TPD52L1: variants seen among roughly 807,000 people sequenced by gnomAD.
TPD52L1 encodes the protein TPD52 like 1.
A neutral mutation model predicts 28.7 loss-of-function variants in TPD52L1; 18 were observed. That is an observed-to-expected ratio of 0.63 (90% CI 0.43 to 0.93). TPD52L1 has a LOEUF of 0.93. TPD52L1 is among the 40% of genes least tolerant of loss of function. The pLI is 0.00. For synonymous variants in TPD52L1, 75 were observed against 88.8 expected, an observed-to-expected ratio of 0.84 and a Z score of 0.88; for missense variants, 203 against 254.8, an observed-to-expected ratio of 0.80 and a Z score of 1.39.
chr6:125,243,709 T>G (rs1401867310), intron 3 of TPD52L1, among the ~76,000 whole-genome samples: 1 of 152,106 alleles, frequency 6.6e-6, no homozygotes, highest in Non-Finnish European at 1.5e-5. Context: ...CCTATATTTG[T>G]TTTAAGTTTC....
chr6:125,155,452 G>A (rs1286191199), intron 1 of TPD52L1, among the ~76,000 whole-genome samples: 1 of 152,200 alleles, frequency 6.6e-6, no homozygotes, highest in Non-Finnish European at 1.5e-5. Flanking sequence ...GAAGACATCC[G>A]AAACTACAGA....
At chr6:125,172,161 CTTTCTT>C in intron 1 of TPD52L1, among the ~76,000 whole-genome samples, 1 of 50,622 alleles carries the variant, frequency 2.0e-5, no homozygotes, top group Non-Finnish European at 4.1e-5. Flanking sequence ...TCTTTCTTTT[CTTTCTT>C]TCTTTCTTTC....
intron 3 of TPD52L1, among the ~76,000 whole-genome samples, chr6:125,237,879 C>T (rs1431238520): frequency 1.3e-5 from 2 of 152,120 alleles, no homozygotes; most frequent in African/African-American, 4.8e-5. Flanking sequence ...AGGCTGATCT[C>T]TAACTCCTGA....
At chr6:125,196,631 T>G (rs183940579) in intron 1 of TPD52L1, among the ~76,000 whole-genome samples, 22 of 152,372 alleles carry the variant, frequency 1.4e-4, no homozygotes, top group African/African-American at 5.3e-4. Flanking sequence ...ATATATACTT[T>G]GGTGTTTATC....
At chr6:125,192,710 C>A (rs1793133834) in intron 1 of TPD52L1, among the ~76,000 whole-genome samples, 1 of 152,172 alleles carries the variant, frequency 6.6e-6, no homozygotes, top group African/African-American at 2.4e-5. Flanking sequence ...GTTCCAAATA[C>A]CAACCAAGCA....
chr6:125,178,107 C>T (rs1055186974), intron 1 of TPD52L1, among the ~76,000 whole-genome samples: 15 of 152,176 alleles, frequency 9.9e-5, no homozygotes, highest in South Asian at 2.1e-4. Context: ...CATATTCTTT[C>T]GATCATAATA....
intron 1 of TPD52L1, among the ~76,000 whole-genome samples, chr6:125,205,290 A>T (rs78606701): frequency 0.021 from 3,159 of 152,270 alleles, 50 homozygotes; most frequent in Middle Eastern, 0.044. Flanking sequence ...AGGCCGGCTG[A>T]TCTTATGTGG....
chr6:125,211,717 C>T (rs1369918845), intron 1 of TPD52L1, among the ~76,000 whole-genome samples: 2 of 152,190 alleles, frequency 1.3e-5, no homozygotes, highest in African/African-American at 4.8e-5. Context: ...TGGGGATATA[C>T]ATCTCCCGTG....
At chr6:125,155,730 A>C (rs190604707) in intron 1 of TPD52L1, among the ~76,000 whole-genome samples, 1 of 152,338 alleles carries the variant, frequency 6.6e-6, no homozygotes, top group African/African-American at 2.4e-5. Flanking sequence ...CTATAACCCT[A>C]GTATGCAATA....
chr6:125,248,617 G>A lies in TPD52L1; in HGVS notation c.386+234G>A, dbSNP rs1225358218. Reference sequence around the variant, plus strand: ...AGAGTTGCTGTTTCTACTAGGACCCGACCTGGTAAAAATAGAAGATACAGG... The same window carrying A: ...AGAGTTGCTGTTTCTACTAGGACCCAACCTGGTAAAAATAGAAGATACAGG... On this transcript the variant is annotated intron_variant, in intron 4 of 6. Coordinates refer to ENST00000534000, the MANE Select transcript of TPD52L1 (RefSeq NM_003287.4). The A allele has an allele frequency of 4.4e-5, 21 of 482,498 alleles. No individual in the cohort carries two copies. The East Asian group carries it at 5.3e-4, about 12-fold the overall frequency. 29.9% of individuals were successfully genotyped at this position (482,498 alleles called of 1,614,324 possible). A position where few individuals can be genotyped will look rare whatever the true frequency, so the allele number is the denominator to read the frequency against.
intron 3 of TPD52L1, among the ~76,000 whole-genome samples, chr6:125,244,596 A>G (rs897914522): frequency 6.6e-6 from 1 of 152,172 alleles, no homozygotes; most frequent in Non-Finnish European, 1.5e-5. Context: ...TTTGCCTCTC[A>G]TGCAGGCTTG....
chr6:125,157,304 T>G (rs1291886544), intron 1 of TPD52L1, among the ~76,000 whole-genome samples: 1 of 152,196 alleles, frequency 6.6e-6, no homozygotes, highest in African/African-American at 2.4e-5. Flanking sequence ...CCCATATAGC[T>G]CAGTAAGTGC....
intron 2 of TPD52L1, among the ~76,000 whole-genome samples, chr6:125,220,540 C>T (rs1582956127): frequency 1.3e-5 from 2 of 152,186 alleles, no homozygotes; most frequent in African/African-American, 4.8e-5. Context: ...GTTATAGGTG[C>T]AAGATCCTTT....
intron 3 of TPD52L1, among the ~76,000 whole-genome samples, chr6:125,234,783 A>T (rs1427770139): frequency 6.6e-6 from 1 of 152,134 alleles, no homozygotes; most frequent in Admixed American, 6.6e-5. Flanking sequence ...ATTCTATGGC[A>T]TAATAAAGGG....
intron 1 of TPD52L1, among the ~76,000 whole-genome samples, chr6:125,156,406 C>T (rs1301760753): frequency 7.0e-6 from 1 of 142,216 alleles, no homozygotes; most frequent in African/African-American, 2.7e-5. Flanking sequence ...TTTGTGGCTA[C>T]AGTGAGCCAA....
intron 3 of TPD52L1, among the ~76,000 whole-genome samples, chr6:125,248,042 C>CTGTATT (rs1378418524): frequency 6.6e-6 from 1 of 152,202 alleles, no homozygotes; most frequent in East Asian, 1.9e-4. Context: ...ACATTCAGAT[C>CTGTATT]TGTATTTGTA....
At chr6:125,154,937 G>GAA (rs372603840) in intron 1 of TPD52L1, among the ~76,000 whole-genome samples, 3 of 145,784 alleles carry the variant, frequency 2.1e-5, no homozygotes, top group African/African-American at 5.0e-5. Flanking sequence ...TCATTAAAAA[G>GAA]AAAAAAAAAA....
chr6:125,261,044 G>C (rs1798023216), intron 6 of TPD52L1: 1 of 147,052 alleles, frequency 6.8e-6, no homozygotes, highest in Non-Finnish European at 1.5e-5. Context: ...AAGAAAGAAA[G>C]AAAGAAAAGG....
chr6:125,179,328 T>C lies in TPD52L1; in HGVS notation c.19+25358T>C, dbSNP rs1041839829. Among the ~76,000 whole-genome samples, 5 of 152,254 alleles carry C rather than the reference T, an allele frequency of 3.3e-5. No homozygotes were observed. The East Asian group carries it at 7.7e-4, about 23-fold the overall frequency. ...TACCCAAGTAGTCCCTCAATACATG[T>C]TGTTTAAAGCAGAATAGTGCAGCTC... On this transcript the variant is annotated intron_variant, in intron 1 of 6. Transcript: ENST00000534000.
Sources: allele counts gnomAD v4.1 joint callset (sites outside exome capture counted in the v4.1 genomes callset), GRCh38; gene constraint gnomAD v4.1.1; transcripts MANE v1.5; gene names NCBI Gene and HGNC (gene_info 2026-07-23, HGNC 2026-07-21).